GUCY1A2: variants seen among roughly 807,000 people sequenced by gnomAD.
The protein encoded by GUCY1A2 is guanylate cyclase soluble subunit alpha-2.
Under a neutral mutation model 63.5 loss-of-function variants are expected in GUCY1A2, and 27 were observed. The observed-to-expected ratio is 0.43, with a 90% CI of 0.31 to 0.59. The LOEUF is 0.59. GUCY1A2 is among the 20% of genes least tolerant of loss of function. The pLI, the probability that GUCY1A2 is intolerant of heterozygous loss-of-function variation, is 0.11. For missense variants in GUCY1A2, 768 were observed against 913.3 expected (o/e 0.84, Z 2.05); for synonymous variants, 364 against 343.5 (o/e 1.06, Z -0.66).
chr11:106,935,910 T>C (rs1379308870), intron 4 of GUCY1A2, among the ~76,000 whole-genome samples: 1 of 151,272 alleles, frequency 6.6e-6, no homozygotes, highest in African/African-American at 2.4e-5. Flanking sequence ...CTCATGTATA[T>C]GTATATATGT....
intron 6 of GUCY1A2, among the ~76,000 whole-genome samples, chr11:106,753,999 C>T (rs1565278773): frequency 1.3e-5 from 2 of 152,082 alleles, no homozygotes; most frequent in Admixed American, 6.6e-5. Flanking sequence ...ATGGAATGTT[C>T]TTCCATTTGT....
chr11:107,012,062 G>A (rs990743115), intron 1 of GUCY1A2, among the ~76,000 whole-genome samples: 6 of 151,998 alleles, frequency 3.9e-5, no homozygotes, highest in Non-Finnish European at 7.4e-5. Flanking sequence ...ATATGTCCTT[G>A]TATTTTTATA....
At chr11:106,702,701 G>GC (rs1378588830) in intron 7 of GUCY1A2, among the ~76,000 whole-genome samples, 1 of 139,914 alleles carries the variant, frequency 7.1e-6, no homozygotes. Context: ...TAATTTATAT[G>GC]GTTTTTTTTT....
chr11:106,833,979 C>A (rs540807957), intron 4 of GUCY1A2, among the ~76,000 whole-genome samples: 1 of 152,100 alleles, frequency 6.6e-6, no homozygotes, highest in Non-Finnish European at 1.5e-5. Flanking sequence ...ATGTGTACAA[C>A]ATCATGTTTT....
At chr11:107,005,453 T>C (rs1467652146) in intron 1 of GUCY1A2, among the ~76,000 whole-genome samples, 1 of 152,108 alleles carries the variant, frequency 6.6e-6, no homozygotes, top group African/African-American at 2.4e-5. Flanking sequence ...TTCAGTATTT[T>C]TGTAGAGACA....
At chr11:106,733,915 G>C (rs1256461252) in intron 6 of GUCY1A2, among the ~76,000 whole-genome samples, 2 of 152,074 alleles carry the variant, frequency 1.3e-5, no homozygotes, top group African/African-American at 4.8e-5. Context: ...CCTCCTAGGG[G>C]AGCATTCCTC....
chr11:106,733,295 TTATTA>T (rs1325057969), intron 6 of GUCY1A2, among the ~76,000 whole-genome samples: 1 of 151,248 alleles, frequency 6.6e-6, no homozygotes, highest in East Asian at 1.9e-4. Flanking sequence ...TAAAATGTAT[TTATTA>T]TGAGTTGTAG....
At chr11:106,953,759 A>T (rs1389497041) in intron 3 of GUCY1A2, among the ~76,000 whole-genome samples, 1 of 151,822 alleles carries the variant, frequency 6.6e-6, no homozygotes. Context: ...GGTAGGGTGT[A>T]TGTGTCCAGG....
intron 4 of GUCY1A2, among the ~76,000 whole-genome samples, chr11:106,877,362 G>A (rs1375878470): frequency 6.6e-6 from 1 of 151,952 alleles, no homozygotes; most frequent in East Asian, 1.9e-4. Context: ...AAATACCAAG[G>A]CAGCAGGCAT....
chr11:106,828,771 AAAG>A (rs1313668593), intron 4 of GUCY1A2, among the ~76,000 whole-genome samples: 12 of 152,224 alleles, frequency 7.9e-5, no homozygotes, highest in African/African-American at 2.7e-4. Context: ...TATGTTTTCA[AAAG>A]AATGAAGACT....
At chr11:106,712,013 G>A (rs1000514968) in intron 6 of GUCY1A2, among the ~76,000 whole-genome samples, 6 of 151,856 alleles carry the variant, frequency 4.0e-5, no homozygotes, top group Non-Finnish European at 8.8e-5. Flanking sequence ...GATTTACCTT[G>A]ATGTTTTTTT....
At chr11:106,699,414 T>C (rs2135342199) in intron 7 of GUCY1A2, among the ~76,000 whole-genome samples, 1 of 152,372 alleles carries the variant, frequency 6.6e-6, no homozygotes, top group East Asian at 1.9e-4. Flanking sequence ...GTAAACGTTA[T>C]TTATGACATA....
intron 3 of GUCY1A2, among the ~76,000 whole-genome samples, chr11:106,958,675 G>A (rs752586576): frequency 2.0e-5 from 3 of 151,594 alleles, no homozygotes; most frequent in African/African-American, 4.9e-5. Flanking sequence ...AGGATACTAC[G>A]AGTTATGCTT....
intron 5 of GUCY1A2, among the ~76,000 whole-genome samples, chr11:106,805,248 A>AT (rs11424210): frequency 0.11 from 15,834 of 143,026 alleles, 1,239 homozygotes; most frequent in African/African-American, 0.23. Context: ...TATCACTAAC[A>AT]TTTTTTTTTT....
intron 4 of GUCY1A2, among the ~76,000 whole-genome samples, chr11:106,853,515 A>G (rs1316115526): frequency 1.3e-5 from 2 of 151,894 alleles, no homozygotes; most frequent in Admixed American, 1.3e-4. Flanking sequence ...TCTTTCTTAC[A>G]TCTATGTCAA....
chr11:106,784,265 C>T (rs370829384), intron 5 of GUCY1A2, among the ~76,000 whole-genome samples: 9 of 152,184 alleles, frequency 5.9e-5, no homozygotes, highest in African/African-American at 2.2e-4. Flanking sequence ...TGCCTGAGTC[C>T]CGGTGCCAGC....
intron 4 of GUCY1A2, among the ~76,000 whole-genome samples, chr11:106,820,695 G>T (rs1858890286): frequency 1.3e-5 from 2 of 152,122 alleles, no homozygotes; most frequent in South Asian, 4.1e-4. Context: ...ACTGCACCTG[G>T]CCTAGCCTAA....
At chr11:106,770,951 AC>A (rs1864245261) in intron 6 of GUCY1A2, among the ~76,000 whole-genome samples, 1 of 151,672 alleles carries the variant, frequency 6.6e-6, no homozygotes, top group Non-Finnish European at 1.5e-5. Context: ...ACTCTAGTTC[AC>A]AATGTTTCCT....
At chr11:106,702,167 G>T (rs1333656199) in intron 7 of GUCY1A2, among the ~76,000 whole-genome samples, 2 of 152,108 alleles carry the variant, frequency 1.3e-5, no homozygotes, top group Non-Finnish European at 1.5e-5. Context: ...AGGATTAAAT[G>T]ACAATATAAA....
Sources: gnomAD v4.1 joint callset for allele counts (sites outside exome capture counted in the v4.1 genomes callset) on GRCh38, gnomAD v4.1.1 for gene constraint, MANE v1.5 for transcripts, NCBI Gene and HGNC (gene_info 2026-07-23, HGNC 2026-07-21) for gene names.